The following TSNARE1 variants were observed in gnomAD, a reference collection of about 807,000 sequenced individuals.
TSNARE1 encodes t-SNARE domain-containing protein 1.
In TSNARE1, 49 loss-of-function variants were observed where a neutral mutation model predicts 62.0. That is an observed-to-expected ratio of 0.79 (90% CI 0.63 to 1.00). The LOEUF (loss-of-function observed/expected upper bound fraction) is 1.00. Ranked by LOEUF, TSNARE1 falls within the 50% of genes least tolerant of loss-of-function variation. The probability of loss-of-function intolerance (pLI) is 0.00; values close to 1 mark genes in which losing one functional copy is unlikely to be tolerated. For synonymous variants in TSNARE1, 328 were observed against 294.4 expected (o/e 1.11, Z -1.17); for missense variants, 755 against 700.1 (o/e 1.08, Z -0.88).
In TSNARE1 at chr8:142,348,836, G is replaced by A. The variant is rs1211904025; in HGVS notation, c.89-2944C>T. Among the ~76,000 whole-genome samples the A allele has an allele frequency of 2.0e-5, 3 of 152,136 alleles. No individual in the cohort carries two copies. The East Asian group carries it at 5.8e-4, about 29-fold the overall frequency. The stretch of plus-strand genomic sequence containing the variant: ...TTCTGTGTATCTGAGTTATTTATGA[G>A]TTGACGACTCACTAGCTGGCTTTTT... On this transcript the variant is annotated intron_variant, in intron 2 of 13. Coordinates refer to ENST00000524325, the MANE Select transcript of TSNARE1 (RefSeq NM_145003.5).
chr8:142,371,818 A>ACAACAACCCACAGGCACTCTGCCT (rs1405721791), intron 1 of TSNARE1, among the ~76,000 whole-genome samples: 3 of 152,210 alleles, frequency 2.0e-5, no homozygotes, highest in African/African-American at 7.2e-5. Flanking sequence ...GGGTTGGCAA[A>ACAACAACCCACAGGCACTCTGCCT]CAACAACCCA....
chr8:142,374,826 A>G (rs1836204451), intron 1 of TSNARE1, among the ~76,000 whole-genome samples: 1 of 152,102 alleles, frequency 6.6e-6, no homozygotes, highest in Non-Finnish European at 1.5e-5. Context: ...CGGAGGAAGG[A>G]GAGACTCAGC....
intron 1 of TSNARE1, among the ~76,000 whole-genome samples, chr8:142,363,725 G>A (rs1835326749): frequency 6.6e-6 from 1 of 152,162 alleles, no homozygotes; most frequent in African/African-American, 2.4e-5. Context: ...ACTGCCCACT[G>A]CCCACAGAAC....
intron 2 of TSNARE1, among the ~76,000 whole-genome samples, chr8:142,354,076 C>T (rs2130746766): frequency 6.6e-6 from 1 of 152,248 alleles, no homozygotes; most frequent in Admixed American, 6.5e-5. Flanking sequence ...CGGGGGGTTA[C>T]CATGGCAGTC....
chr8:142,263,683 ACT>A (rs1308698962), intron 12 of TSNARE1, among the ~76,000 whole-genome samples: 1 of 152,232 alleles, frequency 6.6e-6, no homozygotes, highest in Non-Finnish European at 1.5e-5. Flanking sequence ...TTAAAGAATG[ACT>A]GAGGCTATTT....
intron 9 of TSNARE1, among the ~76,000 whole-genome samples, chr8:142,310,014 T>C (rs1183966454): frequency 6.6e-6 from 1 of 151,870 alleles, no homozygotes; most frequent in Non-Finnish European, 1.5e-5. Context: ...TTGATGTTTA[T>C]AACATCCCTG....
intron 1 of TSNARE1, among the ~76,000 whole-genome samples, chr8:142,368,647 A>G (rs2130992644): frequency 6.6e-6 from 1 of 152,312 alleles, no homozygotes. Flanking sequence ...TCCACTCACA[A>G]GCTCTTCTCC....
intron 1 of TSNARE1, among the ~76,000 whole-genome samples, chr8:142,364,198 T>A (rs996071529): frequency 4.6e-5 from 7 of 152,114 alleles, no homozygotes; most frequent in African/African-American, 1.7e-4. Flanking sequence ...AGGCCTGAGG[T>A]CTGCCCTCAT....
At chr8:142,268,334 T>G (rs1239842158) in intron 12 of TSNARE1, among the ~76,000 whole-genome samples, 1 of 152,228 alleles carries the variant, frequency 6.6e-6, no homozygotes, top group East Asian at 1.9e-4. Context: ...CCCTAAGTTC[T>G]CGAGTCCCTG....
chr8:142,346,555 C>T (rs1305983018), intron 2 of TSNARE1, among the ~76,000 whole-genome samples: 1 of 152,272 alleles, frequency 6.6e-6, no homozygotes, highest in Non-Finnish European at 1.5e-5. Flanking sequence ...CCACGATGTG[C>T]CTTTCGATCC....
chr8:142,359,841 C>A (rs912861399), intron 1 of TSNARE1, among the ~76,000 whole-genome samples: 4 of 152,232 alleles, frequency 2.6e-5, no homozygotes, highest in Non-Finnish European at 4.4e-5. Flanking sequence ...GCCTCAGACA[C>A]CCTGGCCACA....
chr8:142,329,895 A>G (rs1830763609), intron 6 of TSNARE1, among the ~76,000 whole-genome samples: 1 of 152,210 alleles, frequency 6.6e-6, no homozygotes. Flanking sequence ...GGTGCTCCGC[A>G]GCTGGTGCGT....
At chr8:142,372,723 C>A (rs1372378862) in intron 1 of TSNARE1, among the ~76,000 whole-genome samples, 2 of 152,164 alleles carry the variant, frequency 1.3e-5, no homozygotes, top group East Asian at 3.9e-4. Context: ...AGGGCCTCCT[C>A]CTGAGAAGGC....
At chr8:142,240,176 A>G (rs929692571) in intron 12 of TSNARE1, among the ~76,000 whole-genome samples, 17 of 152,242 alleles carry the variant, frequency 1.1e-4, no homozygotes, top group African/African-American at 4.1e-4. Flanking sequence ...TGAAAACATT[A>G]ATCAAAAGAA....
At chr8:142,336,282 CA>C (rs749299318) in intron 4 of TSNARE1, among the ~76,000 whole-genome samples, 1,757 of 25,216 alleles carry the variant, frequency 0.07, 15 homozygotes, top group African/African-American at 0.19. Context: ...GACCCTGTCT[CA>C]AAAAAAAAAA....
rs1203580629 is a variant in TSNARE1, at chr8:142,319,052, G to A, written c.894-418C>T. ...AGAGGCAGTGGGGGCAGAAAGGCAGGCAGAGAGAGACGGCGCAGGTAAGCT... is the reference window on the plus strand; with the variant it reads ...AGAGGCAGTGGGGGCAGAAAGGCAGACAGAGAGAGACGGCGCAGGTAAGCT... On this transcript the variant is annotated intron_variant, in intron 6 of 13. Coordinates refer to ENST00000524325, the MANE Select transcript of TSNARE1 (RefSeq NM_145003.5). This position sits in a 1 kb window ranked among gnomAD's most constrained non-coding sequence, Gnocchi z 4.9. Among the ~76,000 whole-genome samples, 1 of 151,884 alleles carries A rather than the reference G, an allele frequency of 6.6e-6. No individual in the cohort carries two copies. The highest frequency in any genetic ancestry group is 1.5e-5 in the Non-Finnish European group (1 of 67,942).
intron 4 of TSNARE1, among the ~76,000 whole-genome samples, chr8:142,338,810 G>A (rs891030801): frequency 2.0e-5 from 3 of 152,212 alleles, no homozygotes; most frequent in South Asian, 2.1e-4. Flanking sequence ...CCCGTCCCAC[G>A]GCTGCAGACA....
At chr8:142,285,691 T>C (rs1414081606) in intron 10 of TSNARE1, among the ~76,000 whole-genome samples, 1 of 152,130 alleles carries the variant, frequency 6.6e-6, no homozygotes. Flanking sequence ...AGTGGCTCCA[T>C]GAAGCTAGTG....
intron 9 of TSNARE1, among the ~76,000 whole-genome samples, chr8:142,303,742 G>A (rs953699772): frequency 7.2e-5 from 11 of 152,358 alleles, no homozygotes; most frequent in Admixed American, 5.9e-4. Flanking sequence ...TGGTATGACT[G>A]CATCCAGGAT....
Sources: gnomAD v4.1 joint callset for allele counts (sites outside exome capture counted in the v4.1 genomes callset) on GRCh38, gnomAD v4.1.1 for gene constraint, Gnocchi (gnomAD v3.1) non-coding constraint, MANE v1.5 for transcripts, NCBI Gene and HGNC (gene_info 2026-07-23, HGNC 2026-07-21) for gene names.